PHLDB2: variants seen among roughly 807,000 people sequenced by gnomAD.
PHLDB2 encodes the protein pleckstrin homology-like domain family B member 2.
In PHLDB2, 71 loss-of-function variants were observed where a neutral mutation model predicts 123.6. The observed-to-expected ratio is 0.57, with a 90% CI of 0.47 to 0.70. PHLDB2 has a LOEUF of 0.70. PHLDB2 is among the 30% of genes least tolerant of loss of function. The probability of loss-of-function intolerance (pLI) is 0.00; values close to 1 mark genes in which losing one functional copy is unlikely to be tolerated. For synonymous variants in PHLDB2, 547 were observed against 541.6 expected, an observed-to-expected ratio of 1.01 and a Z score of -0.14; for missense variants, 1,446 against 1,519.5, an observed-to-expected ratio of 0.95 and a Z score of 0.80.
intron 1 of PHLDB2, among the ~76,000 whole-genome samples, chr3:111,763,976 T>C (rs942403116): frequency 1.3e-5 from 2 of 152,316 alleles, no homozygotes; most frequent in East Asian, 3.9e-4. Context: ...GTTATGGCTA[T>C]GTTTGCTCAA....
rs568044005 is a variant in PHLDB2, at chr3:111,918,932, G to C, written c.1720-140G>C. On this transcript the variant is annotated intron_variant, in intron 3 of 17. Coordinates refer to ENST00000431670, the MANE Select transcript of PHLDB2 (RefSeq NM_001134438.2). ...GGAAAAACACATCAGAGCTCCAAGC[G>C]TGCAGTTGCAGGGATGCTTTTAAAA... is the stretch of plus-strand genomic sequence containing the variant. The C allele has an allele frequency of 4.8e-6, 4 of 838,324 alleles. No homozygotes were observed. The South Asian group carries it at 6.9e-5, about 14-fold the overall frequency. The allele number at this position is 838,324 out of a possible 1,614,324, so 51.9% of individuals were successfully genotyped here. A position where few individuals can be genotyped will look rare whatever the true frequency, so the allele number is the denominator to read the frequency against.
At chr3:111,788,859 C>A (rs1180400790) in intron 1 of PHLDB2, among the ~76,000 whole-genome samples, 1 of 152,190 alleles carries the variant, frequency 6.6e-6, no homozygotes, top group African/African-American at 2.4e-5. Context: ...AGATTACACA[C>A]CCCTGCTTTA....
intron 1 of PHLDB2, among the ~76,000 whole-genome samples, chr3:111,874,937 T>C (rs1371322654): frequency 4.6e-5 from 7 of 152,184 alleles, no homozygotes; most frequent in Non-Finnish European, 7.3e-5. Flanking sequence ...AATATTAATA[T>C]TATCTAAGCT....
At chr3:111,927,883 T>G (rs1291921343) in intron 5 of PHLDB2, among the ~76,000 whole-genome samples, 2 of 152,222 alleles carry the variant, frequency 1.3e-5, no homozygotes, top group Admixed American at 6.5e-5. Context: ...AGTTAGCAAA[T>G]TAAATTTGCT....
In PHLDB2 at chr3:111,784,270, A is replaced by T. The variant is rs564805735; in HGVS notation, c.-49+51567A>T. 9.6e-4 allele frequency among the ~76,000 whole-genome samples: 146 copies of T among 152,330 alleles called. 1 individual carries two copies. The highest frequency in any genetic ancestry group is 3.4e-3 in the African/African-American group (142 of 41,574). On this transcript the variant is annotated intron_variant, in intron 1 of 17. Coordinates refer to the PHLDB2 transcript ENST00000393923. ...GACTTACAAAAATCAGGAAACACAA[A>T]CAAGCAAACAGAAAAAACTGTAAAT... is the stretch of plus-strand genomic sequence containing the variant.
At chr3:111,799,397 A>C (rs1435359666) in intron 1 of PHLDB2, among the ~76,000 whole-genome samples, 2 of 152,246 alleles carry the variant, frequency 1.3e-5, no homozygotes, top group Non-Finnish European at 2.9e-5. Context: ...ATACTAGAAA[A>C]AAGTATTAGA....
intron 1 of PHLDB2, among the ~76,000 whole-genome samples, chr3:111,870,057 CT>C (rs2065264633): frequency 6.6e-6 from 1 of 152,190 alleles, no homozygotes; most frequent in South Asian, 2.1e-4. Context: ...GCTTTTTTCT[CT>C]CTCTGCTGTG....
intron 12 of PHLDB2, among the ~76,000 whole-genome samples, chr3:111,960,806 A>C (rs977738232): frequency 6.6e-6 from 1 of 152,246 alleles, no homozygotes; most frequent in African/African-American, 2.4e-5. Context: ...ACATTCTCTT[A>C]TCAGGGAGAA....
intron 1 of PHLDB2, among the ~76,000 whole-genome samples, chr3:111,822,317 G>GTGTGTGTGTATA (rs1553734228): frequency 6.8e-6 from 1 of 147,806 alleles, no homozygotes; most frequent in South Asian, 2.1e-4. Flanking sequence ...GTGTGTGTGT[G>GTGTGTGTGTATA]TATATATATA....
chr3:111,737,079 A>C (rs543166446), intron 1 of PHLDB2, among the ~76,000 whole-genome samples: 3 of 152,256 alleles, frequency 2.0e-5, no homozygotes, highest in South Asian at 4.1e-4. Flanking sequence ...ACAAATTGAG[A>C]ATCCATTATT....
chr3:111,850,238 T>G (rs2064192498), intron 2 of PHLDB2, among the ~76,000 whole-genome samples: 1 of 152,106 alleles, frequency 6.6e-6, no homozygotes, highest in African/African-American at 2.4e-5. Flanking sequence ...AAGTGGGAGT[T>G]AAGCTATGGG....
chr3:111,855,859 T>G (rs559340342), upstream of PHLDB2, among the ~76,000 whole-genome samples: 2 of 152,124 alleles, frequency 1.3e-5, no homozygotes, highest in Non-Finnish European at 2.9e-5. Flanking sequence ...CTGGAACTTC[T>G]AATCTCAAGC....
At chr3:111,830,970 AAAG>A (rs2062964954) in intron 1 of PHLDB2, among the ~76,000 whole-genome samples, 1 of 40,398 alleles carries the variant, frequency 2.5e-5, no homozygotes, top group Non-Finnish European at 4.4e-5. Context: ...AGAAAGAAAG[AAAG>A]AAAGAAAGAA....
At chr3:111,944,044 C>T (rs927140473) in intron 8 of PHLDB2, among the ~76,000 whole-genome samples, 3 of 152,130 alleles carry the variant, frequency 2.0e-5, no homozygotes, top group Non-Finnish European at 4.4e-5. Context: ...ATACAGGACT[C>T]CTCAACAATA....
intron 1 of PHLDB2, among the ~76,000 whole-genome samples, chr3:111,825,101 G>A (rs1423970232): frequency 1.3e-5 from 2 of 152,092 alleles, no homozygotes; most frequent in Admixed American, 6.5e-5. Context: ...CCATTTACAG[G>A]TAAGAAGACA....
intron 2 of PHLDB2, among the ~76,000 whole-genome samples, chr3:111,888,800 C>T (rs567548534): frequency 6.6e-6 from 1 of 152,232 alleles, no homozygotes; most frequent in South Asian, 2.1e-4. Flanking sequence ...ATCATGCAAA[C>T]TTTGCCAAAT....
chr3:111,779,166 A>T (rs981473692), intron 1 of PHLDB2, among the ~76,000 whole-genome samples: 3 of 152,064 alleles, frequency 2.0e-5, no homozygotes, highest in Non-Finnish European at 4.4e-5. Flanking sequence ...TTTAAGAAGC[A>T]CTGTTCTATA....
chr3:111,974,216 G>A (rs1245913130), intron 17 of PHLDB2, among the ~76,000 whole-genome samples: 2 of 152,170 alleles, frequency 1.3e-5, no homozygotes, highest in African/African-American at 4.8e-5. Context: ...AATAATTTAT[G>A]AGTTCTGTCT....
chr3:111,843,004 G>C (rs1251471406), intron 1 of PHLDB2, among the ~76,000 whole-genome samples: 1 of 152,090 alleles, frequency 6.6e-6, no homozygotes, highest in Non-Finnish European at 1.5e-5. Flanking sequence ...TTCACCTTTT[G>C]AAATACATCT....
Sources: gnomAD v4.1 joint callset for allele counts (sites outside exome capture counted in the v4.1 genomes callset) on GRCh38, gnomAD v4.1.1 for gene constraint, MANE v1.5 for transcripts, NCBI Gene and HGNC (gene_info 2026-07-23, HGNC 2026-07-21) for gene names.